The following GFOD1 variants were observed in gnomAD, a reference collection of about 807,000 sequenced individuals.
The protein encoded by GFOD1 is Gfo/Idh/MocA-like oxidoreductase domain containing 1, also known as glucose-fructose oxidoreductase domain-containing protein 1.
In GFOD1, 9 loss-of-function variants were observed where a neutral mutation model predicts 25.4. That is an observed-to-expected ratio of 0.35 (90% CI 0.21 to 0.62). The LOEUF is 0.62. Ranked by LOEUF, GFOD1 falls within the 20% of genes least tolerant of loss-of-function variation. The pLI is 0.72. For missense variants in GFOD1, 403 were observed against 556.9 expected (o/e 0.72, Z 2.78); for synonymous variants, 253 against 245.6 (o/e 1.03, Z -0.28).
chr6:13,474,197 T>C (rs905790069), intron 1 of GFOD1, among the ~76,000 whole-genome samples: 1 of 152,110 alleles, frequency 6.6e-6, no homozygotes, highest in East Asian at 1.9e-4. Context: ...CTGACCAACA[T>C]GGAGAAATCC....
chr6:13,393,703 G>A (rs1022036056), intron 1 of GFOD1, among the ~76,000 whole-genome samples: 1 of 151,718 alleles, frequency 6.6e-6, no homozygotes, highest in African/African-American at 2.4e-5. Flanking sequence ...TTCAGAGAGG[G>A]AGTTGTTACC....
intron 1 of GFOD1, among the ~76,000 whole-genome samples, chr6:13,472,257 C>T (rs1249820132): frequency 1.3e-5 from 2 of 152,172 alleles, no homozygotes; most frequent in African/African-American, 4.8e-5. Context: ...CAAACCACAT[C>T]AAAACTGCAT....
intron 1 of GFOD1, among the ~76,000 whole-genome samples, chr6:13,468,694 G>C (rs1195522869): frequency 1.3e-5 from 2 of 152,170 alleles, no homozygotes; most frequent in African/African-American, 4.8e-5. Flanking sequence ...TTTCCCCTGG[G>C]TGTTAGGAGA....
chr6:13,377,860 G>A (rs1785285378), intron 1 of GFOD1, among the ~76,000 whole-genome samples: 1 of 152,124 alleles, frequency 6.6e-6, no homozygotes, highest in Non-Finnish European at 1.5e-5. Flanking sequence ...AGTTCCTTCA[G>A]TAGTTTTTAC....
intron 1 of GFOD1, among the ~76,000 whole-genome samples, chr6:13,381,542 C>T (rs1389722858): frequency 6.6e-6 from 1 of 152,196 alleles, no homozygotes; most frequent in Non-Finnish European, 1.5e-5. Flanking sequence ...CACTGATTCC[C>T]AGGAAAGGGT....
intron 1 of GFOD1, among the ~76,000 whole-genome samples, chr6:13,441,359 C>A (rs531807516): frequency 1.1e-4 from 16 of 152,352 alleles, no homozygotes; most frequent in African/African-American, 3.8e-4. Flanking sequence ...AATCTGAGAT[C>A]ATTGCAAGTG....
At chr6:13,384,047 C>T (rs1785417409) in intron 1 of GFOD1, among the ~76,000 whole-genome samples, 1 of 152,012 alleles carries the variant, frequency 6.6e-6, no homozygotes, top group South Asian at 2.1e-4. Context: ...GCCAACATGG[C>T]AAAACTCCGT....
intron 1 of GFOD1, chr6:13,486,052 G>A: frequency 1.0e-6 from 1 of 985,118 alleles, no homozygotes; most frequent in Non-Finnish European, 1.2e-6. Flanking sequence ...GGTAACATCT[G>A]CAATCTCACG....
intron 1 of GFOD1, among the ~76,000 whole-genome samples, chr6:13,434,102 G>A (rs1299032759): frequency 6.6e-6 from 1 of 152,190 alleles, no homozygotes; most frequent in South Asian, 2.1e-4. Flanking sequence ...GGAAGTCAAG[G>A]ACAGGGCATT....
Position 13,486,760 on chromosome 6 carries a change from T to C in GFOD1, c.131A>G (p.Lys44Arg), listed in dbSNP as rs780556958. 6.2e-7 allele frequency: 1 copy of C among 1,614,152 alleles called. No homozygotes were observed. Among genetic ancestry groups the C allele is most frequent in the East Asian group, 2.2e-5 (1 of 44,872 alleles). Reference protein sequence around the residue: ...RTQEEAEELAKEMSVPFYTSR... With the variant: ...RTQEEAEELAREMSVPFYTSR... ...AGTGTAGAAGGGGACACTCATCTCC[T>C]TGGCCAGCTCCTCCGCTTCTTCCTG... is the stretch of plus-strand genomic sequence containing the variant. Residue 44 changes from lysine (K) to arginine (R), a missense_variant, in exon 1 of 2, where the codon AAG becomes AGG. Lys to Arg is a conservative substitution (Grantham distance 26). Transcript: ENST00000379287.
At chr6:13,447,511 C>A (rs2127573138) in intron 1 of GFOD1, among the ~76,000 whole-genome samples, 1 of 151,864 alleles carries the variant, frequency 6.6e-6, no homozygotes, top group East Asian at 1.9e-4. Flanking sequence ...CTGAGGTAGG[C>A]AGATCACTTG....
At chr6:13,470,512 CA>C in intron 1 of GFOD1, 1 of 1,549,852 alleles carries the variant, frequency 6.5e-7, no homozygotes, top group Admixed American at 2.0e-5. Context: ...GGGGGGTAAA[CA>C]AATGTCCCAT....
At chr6:13,424,068 G>C (rs1335981522) in intron 1 of GFOD1, among the ~76,000 whole-genome samples, 1 of 152,170 alleles carries the variant, frequency 6.6e-6, no homozygotes, top group Non-Finnish European at 1.5e-5. Context: ...ATGTTGGTCA[G>C]GCTGGTCTTG....
chr6:13,381,400 A>C (rs891010265), intron 1 of GFOD1, among the ~76,000 whole-genome samples: 1 of 152,086 alleles, frequency 6.6e-6, no homozygotes, highest in Non-Finnish European at 1.5e-5. Flanking sequence ...TTTCTCTTCC[A>C]CCTAATACAG....
intron 1 of GFOD1, among the ~76,000 whole-genome samples, chr6:13,373,863 T>G (rs1785198314): frequency 6.6e-6 from 1 of 151,902 alleles, no homozygotes; most frequent in Non-Finnish European, 1.5e-5. Context: ...CTCTTCCCTC[T>G]GTCCCTTCCT....
chr6:13,410,415 A>C (rs1437078179), intron 1 of GFOD1, among the ~76,000 whole-genome samples: 1 of 152,080 alleles, frequency 6.6e-6, no homozygotes, highest in East Asian at 1.9e-4. Context: ...TAAAAATACA[A>C]AATTAGCTGG....
rs180983214 is a variant in GFOD1 at position 13,404,412 on chromosome 6, T to C, written c.254-38750A>G. ...TTCTTTTAAGGATCAAATGAGACAA[T>C]GTGTATGATGAAGTTTTATAAATCC... On this transcript the variant is annotated intron_variant, in intron 1 of 1. Transcript: ENST00000379287. Among the ~76,000 whole-genome samples the C allele has an allele frequency of 2.4e-3, 370 of 152,324 alleles. 1 individual carries two copies. The highest frequency in any genetic ancestry group is 8.4e-3 in the African/African-American group (351 of 41,576).
Position 13,403,493 on chromosome 6 carries a change from A to G in GFOD1, c.254-37831T>C, listed in dbSNP as rs148655078. ...TGGTACAACCTATTGCTCCTAGGCTACAAAGCTGTATAGCATGTTATTGCA... is the reference window on the plus strand; with the variant it reads ...TGGTACAACCTATTGCTCCTAGGCTGCAAAGCTGTATAGCATGTTATTGCA... On this transcript the variant is annotated intron_variant, in intron 1 of 1. Transcript: ENST00000379287. 7.8e-4 allele frequency among the ~76,000 whole-genome samples: 119 copies of G among 152,366 alleles called. 1 individual carries two copies. The highest frequency in any genetic ancestry group is 2.7e-3 in the African/African-American group (114 of 41,576).
At chr6:13,383,772 C>T (rs1785411575) in intron 1 of GFOD1, among the ~76,000 whole-genome samples, 1 of 152,174 alleles carries the variant, frequency 6.6e-6, no homozygotes, top group African/African-American at 2.4e-5. Context: ...AGGGACTTTC[C>T]ACTTTGACTT....
Sources: gnomAD v4.1 joint callset for allele counts (sites outside exome capture counted in the v4.1 genomes callset) on GRCh38, gnomAD v4.1.1 for gene constraint, MANE v1.5 for transcripts, NCBI Gene and HGNC (gene_info 2026-07-23, HGNC 2026-07-21) for gene names.